Variants in TGM3 observed in about 807,000 individuals in gnomAD.
The protein encoded by TGM3 is transglutaminase 3.
A neutral mutation model predicts 73.8 loss-of-function variants in TGM3; 52 were observed. The ratio of observed to expected loss-of-function variants is 0.70; its 90% CI spans 0.56 to 0.89. The LOEUF is 0.89. TGM3 is among the 40% of genes least tolerant of loss of function. TGM3 has a pLI of 0.00. For missense variants in TGM3, 928 were observed against 909.9 expected (o/e 1.02, Z -0.26); for synonymous variants, 372 against 354.9 (o/e 1.05, Z -0.54).
intron 1 of TGM3, among the ~76,000 whole-genome samples, chr20:2,300,857 C>A (rs2084142418): frequency 6.6e-6 from 1 of 152,108 alleles, no homozygotes; most frequent in South Asian, 2.1e-4. Flanking sequence ...ATATGGGATC[C>A]CAACAGTATT....
intron 1 of TGM3, among the ~76,000 whole-genome samples, chr20:2,305,279 A>C (rs1288304694): frequency 2.0e-5 from 3 of 152,214 alleles, no homozygotes; most frequent in African/African-American, 7.2e-5. Flanking sequence ...CCTGGCAACC[A>C]GCTCCCATCC....
In TGM3 at chr20:2,296,067, G is replaced by A. The variant is rs942291921; in HGVS notation, c.4G>A (p.Ala2Thr). 7 of 1,551,062 alleles carry A rather than the reference G, an allele frequency of 4.5e-6. No homozygotes were observed. In the Admixed American group the frequency reaches 1.2e-4, roughly 26 times the overall value. Reference sequence around the variant, plus strand: ...AAGAGGCAGAGGAAGGCGAAACATGGCTGGTGAGTGCATGGCATCTTCTCC... The same window carrying A: ...AAGAGGCAGAGGAAGGCGAAACATGACTGGTGAGTGCATGGCATCTTCTCC... The part of the protein sequence containing the change: M[A>T]ALGVQSINWQ... Residue 2 changes from alanine (A) to threonine (T), a missense_variant, in exon 1 of 13, where the codon GCT becomes ACT. Coordinates refer to ENST00000381458, the MANE Select transcript of TGM3 (RefSeq NM_003245.4).
At chr20:2,336,504 C>T (rs8119361) in intron 11 of TGM3, among the ~76,000 whole-genome samples, 3,543 of 151,204 alleles carry the variant, frequency 0.023, 138 homozygotes, top group African/African-American at 0.081. Context: ...TGCCCTGGCC[C>T]GCCCCTCCTT....
intron 11 of TGM3, among the ~76,000 whole-genome samples, chr20:2,339,330 G>C (rs184543587): frequency 2.6e-4 from 40 of 152,306 alleles, no homozygotes; most frequent in African/African-American, 9.6e-4. Context: ...GAAAGCCAAG[G>C]AAAGTAATAT....
At position 2,311,109 on chromosome 20, in the gene TGM3, A is replaced by G. The variant is rs1271111865; in HGVS notation, c.520A>G (p.Ile174Val). 2 of 1,614,076 alleles carry G rather than the reference A, an allele frequency of 1.2e-6. No homozygotes were observed. The highest frequency in any genetic ancestry group is 3.3e-5 in the Admixed American group (2 of 60,026). Residue 174 changes from isoleucine to valine, a missense_variant, in exon 4 of 13, where the codon ATT (isoleucine) becomes GTT (valine). Ile to Val is a conservative substitution (Grantham distance 29). Transcript: ENST00000381458. Reference protein sequence around the residue: ...FVGSTNRIGMIGWNFGQFEED... With the variant: ...FVGSTNRIGMVGWNFGQFEED... ...GGGAAGCACAAACCGAATTGGCATG[A>G]TTGGCTGGAACTTTGGACAGGTAAA...
At chr20:2,302,708 G>A (rs2084155283) in intron 1 of TGM3, among the ~76,000 whole-genome samples, 1 of 11,830 alleles carries the variant, frequency 8.5e-5, no homozygotes, top group African/African-American at 9.8e-5. Context: ...ATATAAAGAG[G>A]TTTTCTAAAA....
At chr20:2,335,381 A>T in intron 11 of TGM3, 108 bp downstream of exon 11, 1 of 1,404,090 alleles carries the variant, frequency 7.1e-7, no homozygotes, top group South Asian at 1.3e-5. Flanking sequence ...GGCAAAGGAG[A>T]GTTTTTTCTT....
chr20:2,327,496 C>A (rs34774705), intron 8 of TGM3, among the ~76,000 whole-genome samples: 9,639 of 152,070 alleles, frequency 0.063, 485 homozygotes, highest in African/African-American at 0.14. Flanking sequence ...AACAAACAAA[C>A]AAAAAAGATA....
At chr20:2,308,296 G>A (rs1461842249) in intron 1 of TGM3, among the ~76,000 whole-genome samples, 1 of 152,186 alleles carries the variant, frequency 6.6e-6, no homozygotes, top group African/African-American at 2.4e-5. Context: ...AAAAAGAGCT[G>A]TGTCTGGCAC....
chr20:2,322,162 T>A (rs1243696169), intron 7 of TGM3, among the ~76,000 whole-genome samples: 1 of 152,124 alleles, frequency 6.6e-6, no homozygotes, highest in Non-Finnish European at 1.5e-5. Flanking sequence ...ATCCTGGAGA[T>A]CATTTTTATG....
chr20:2,328,135 G>T lies in TGM3; in HGVS notation c.1103G>T (p.Gly368Val). The T allele has an allele frequency of 2.5e-6, 4 of 1,614,178 alleles. No homozygotes were observed. The highest frequency in any genetic ancestry group is 3.4e-6 in the Non-Finnish European group (4 of 1,180,032). The part of the protein sequence containing the change: ...QERSQGVFQC[G>V]PASVIGVREG... Reference sequence around the variant, plus strand: ...TGGCCTCCAGGGGTGTTCCAGTGCGGCCCCGCTTCGGTCATTGGTGTTCGA... The same window carrying T: ...TGGCCTCCAGGGGTGTTCCAGTGCGTCCCCGCTTCGGTCATTGGTGTTCGA... The change falls in exon 9 of 13, where the codon GGC (glycine) becomes GTC (valine). Residue 368 changes from glycine (G) to valine (V), a missense_variant. By Grantham distance (109) the Gly-to-Val change is moderately radical (BLOSUM62 -3). Coordinates refer to ENST00000381458, the MANE Select transcript of TGM3 (RefSeq NM_003245.4). This position sits in a 1 kb window ranked among gnomAD's most constrained non-coding sequence, Gnocchi z 5.2.
intron 1 of TGM3, among the ~76,000 whole-genome samples, chr20:2,302,121 C>A (rs1232607959): frequency 3.9e-5 from 6 of 152,200 alleles, no homozygotes; most frequent in African/African-American, 7.2e-5. Context: ...ATAGTCCCAG[C>A]CACTAGAGTA....
intron 9 of TGM3, among the ~76,000 whole-genome samples, chr20:2,330,706 C>T (rs1479177649): frequency 6.6e-6 from 1 of 152,110 alleles, no homozygotes; most frequent in African/African-American, 2.4e-5. Flanking sequence ...TCGTAAAATG[C>T]TTACAATAAG....
Position 2,334,671 on chromosome 20 carries a change from G to C in TGM3, c.1643-445G>C, listed in dbSNP as rs1377287381. On this transcript the variant is annotated intron_variant, in intron 10 of 12. Transcript: ENST00000381458. This position sits in a 1 kb window ranked among gnomAD's most constrained non-coding sequence, Gnocchi z 4.0. ...CTCAGAAGGACACTTGTGGCTGGGA[G>C]CAGTGCTCACGCCTGTAATCCCAAC... Among the ~76,000 whole-genome samples the C allele has an allele frequency of 6.6e-6, 1 of 152,198 alleles. No homozygotes were observed. Among genetic ancestry groups the C allele is most frequent in the East Asian group, 1.9e-4 (1 of 5,180 alleles).
Position 2,335,292 on chromosome 20 carries a change from C to T in TGM3, c.1800+19C>T. The T allele has an allele frequency of 2.5e-6, 4 of 1,613,304 alleles. No homozygotes were observed. The highest frequency in any genetic ancestry group is 1.7e-5 in the Admixed American group (1 of 60,016). ...CCTGGAGGTAATGGGGCTCCCCATC[C>T]TGTGGGAAGGGGTTCTGCCCCCAGC... On this transcript the variant is annotated intron_variant, in intron 11 of 12. Coordinates refer to ENST00000381458, the MANE Select transcript of TGM3 (RefSeq NM_003245.4).
In TGM3 at chr20:2,311,038, C is replaced by G; in HGVS notation, c.449C>G (p.Ala150Gly). The G allele has an allele frequency of 6.2e-7, 1 of 1,614,046 alleles. No homozygotes were observed. The change falls in exon 4 of 13, where the codon GCT (alanine) becomes GGT (glycine). Residue 150 changes from alanine to glycine, a missense_variant. By Grantham distance (60) the Ala-to-Gly change is moderately conservative. Transcript: ENST00000381458. ...GATAGCGTCTTTATGGGTAACCACG[C>G]TGAGAGAGAAGAGTATGTTCAGGAA... is the stretch of plus-strand genomic sequence containing the variant. ...NVDSVFMGNH[A>G]EREEYVQEDA...
intron 1 of TGM3, among the ~76,000 whole-genome samples, chr20:2,302,318 T>C (rs1391734485): frequency 1.3e-5 from 2 of 152,214 alleles, no homozygotes; most frequent in African/African-American, 4.8e-5. Context: ...TTTCACAGTC[T>C]GGAGTCTTTC....
chr20:2,312,853 C>T, intron 4 of TGM3, 45 bp from the exon 5 acceptor site: 1 of 1,610,762 alleles, frequency 6.2e-7, no homozygotes, highest in Non-Finnish European at 8.5e-7. Flanking sequence ...AGCCAACTCT[C>T]CTTGTCATTT....
chr20:2,334,140 G>A lies in TGM3; in HGVS notation c.1643-976G>A, dbSNP rs76264412. Among the ~76,000 whole-genome samples, 17 of 152,290 alleles carry A rather than the reference G, an allele frequency of 1.1e-4. 2 individuals are homozygous for A. The East Asian group carries it at 2.1e-3, about 19-fold the overall frequency. On this transcript the variant is annotated intron_variant, in intron 10 of 12. Coordinates refer to ENST00000381458, the MANE Select transcript of TGM3 (RefSeq NM_003245.4). This position sits in a 1 kb window ranked among gnomAD's most constrained non-coding sequence, Gnocchi z 4.0. ...AGGGTCAGAAGAGAGGACTTAAAGC[G>A]TGGGGAAGGAGCCGGATGCATGGAG...
Sources: allele counts gnomAD v4.1 joint callset (sites outside exome capture counted in the v4.1 genomes callset), GRCh38; gene constraint gnomAD v4.1.1; non-coding constraint Gnocchi (gnomAD v3.1); transcripts MANE v1.5; gene names NCBI Gene and HGNC (gene_info 2026-07-23, HGNC 2026-07-21).